BRD1: variants seen among roughly 807,000 people sequenced by gnomAD.
BRD1 encodes the protein bromodomain-containing protein 1.
Under a neutral mutation model 107.7 loss-of-function variants are expected in BRD1, and 24 were observed. That is an observed-to-expected ratio of 0.22 (90% CI 0.16 to 0.31). The LOEUF is 0.31. Among genes scored for constraint, BRD1 ranks in the 10% least tolerant of loss-of-function variants. The probability of loss-of-function intolerance (pLI) is 1.00; values close to 1 mark genes in which losing one functional copy is unlikely to be tolerated. For missense variants in BRD1, 1,279 were observed against 1,638.6 expected, an observed-to-expected ratio of 0.78 and a Z score of 3.79; for synonymous variants, 744 against 686.1, an observed-to-expected ratio of 1.08 and a Z score of -1.32.
At chr22:49,809,438 G>A (rs1370888351) in intron 2 of BRD1, among the ~76,000 whole-genome samples, 1 of 151,866 alleles carries the variant, frequency 6.6e-6, no homozygotes, top group Non-Finnish European at 1.5e-5. Flanking sequence ...TACTTGGAAG[G>A]CTTGAGGCAG....
At chr22:49,820,237 G>C (rs2060039619) in intron 2 of BRD1, among the ~76,000 whole-genome samples, 1 of 152,240 alleles carries the variant, frequency 6.6e-6, no homozygotes, top group African/African-American at 2.4e-5. Flanking sequence ...ATTCTGTTCT[G>C]TCCACAGGGA....
chr22:49,789,038 C>A (rs1393060214), intron 7 of BRD1, among the ~76,000 whole-genome samples: 2 of 152,224 alleles, frequency 1.3e-5, no homozygotes, highest in East Asian at 1.9e-4. Context: ...GGCCATGACG[C>A]CGGGCAGCAG....
chr22:49,803,616 AAG>A lies in BRD1; in HGVS notation c.1524+586_1524+587del, dbSNP rs958691221. 2.6e-5 allele frequency among the ~76,000 whole-genome samples: 4 copies of A among 152,296 alleles called. No individual in the cohort carries two copies. Among genetic ancestry groups the A allele is most frequent in the Non-Finnish European group, 5.9e-5 (4 of 68,028 alleles). On this transcript the variant is annotated intron_variant, in intron 3 of 12. Transcript: ENST00000404760. The surrounding 1 kb of genome is among the most constrained non-coding windows in gnomAD (Gnocchi z 4.4). ...AAACTCAAACCTACTATCAAAATGT[AAG>A]AGTTTGGGTTTGTTCTTTTAAAAAG...
In BRD1 at chr22:49,790,946, A is replaced by T. The variant is rs2059422999; in HGVS notation, c.2360-3059T>A. Among the ~76,000 whole-genome samples the T allele has an allele frequency of 2.0e-5, 3 of 152,248 alleles. No homozygotes were observed. In the South Asian group the frequency reaches 6.2e-4, roughly 31 times the overall value. Reference sequence around the variant, plus strand: ...ACGCCCCGGAGCCTCTGGCAAGGGCATCACTGTGACTGGAAATCCCAAGGA... The same window carrying T: ...ACGCCCCGGAGCCTCTGGCAAGGGCTTCACTGTGACTGGAAATCCCAAGGA... On this transcript the variant is annotated intron_variant, in intron 7 of 12. Coordinates refer to ENST00000404760, the MANE Select transcript of BRD1 (RefSeq NM_001304808.3).
chr22:49,782,213 T>C (rs1026122100), intron 8 of BRD1, among the ~76,000 whole-genome samples: 1 of 150,550 alleles, frequency 6.6e-6, no homozygotes, highest in Admixed American at 6.6e-5. Context: ...CCAAGGCCCA[T>C]GTTGCTGGGA....
chr22:49,785,177 T>G (rs2059298798), intron 8 of BRD1, among the ~76,000 whole-genome samples: 1 of 152,240 alleles, frequency 6.6e-6, no homozygotes, highest in African/African-American at 2.4e-5. Flanking sequence ...CCTGAGAGGT[T>G]GCTGAGGACG....
At position 49,773,913 on chromosome 22, in the gene BRD1, T is replaced by G; in HGVS notation, c.*320A>C. On this transcript the variant is annotated 3_prime_UTR_variant, in exon 13 of 13. Coordinates refer to ENST00000404760, the MANE Select transcript of BRD1 (RefSeq NM_001304808.3). ...GTCTTATTAAATAAGTGGTACTCTGTGTAAAGAGCATGATTTACAAAATTA... is the reference window on the plus strand; with the variant it reads ...GTCTTATTAAATAAGTGGTACTCTGGGTAAAGAGCATGATTTACAAAATTA... The G allele has an allele frequency of 4.3e-6, 1 of 230,270 alleles. No homozygotes were observed. The allele number at this position is 230,270 out of a possible 1,614,324, so 14.3% of individuals were successfully genotyped here. A position where few individuals can be genotyped will look rare whatever the true frequency, so the allele number is the denominator to read the frequency against.
Position 49,774,399 on chromosome 22 carries a change from G to A in BRD1, c.3404C>T (p.Ser1135Phe), listed in dbSNP as rs758513196. ...NKRSWQWLPK[S>F]KMVPLGIDET... is the part of the protein sequence containing the mutation. ...GTCAATACCAAGGGGAACCATTTTGGACTTAGGAAGCCACTGCCTTTTTAA... is the reference window on the plus strand; with the variant it reads ...GTCAATACCAAGGGGAACCATTTTGAACTTAGGAAGCCACTGCCTTTTTAA... The change falls in exon 13 of 13, where the codon TCC becomes TTC. Residue 1135 changes from serine (S) to phenylalanine (F), a missense_variant. Ser to Phe is a radical substitution (Grantham distance 155, BLOSUM62 -2). Coordinates refer to ENST00000404760, the MANE Select transcript of BRD1 (RefSeq NM_001304808.3). The A allele has an allele frequency of 1.2e-6, 2 of 1,606,370 alleles. No individual in the cohort carries two copies. The highest frequency in any genetic ancestry group is 2.2e-5 in the South Asian group (2 of 89,994).
rs993339070 is a variant in BRD1, at chr22:49,803,900, C to T, written c.1524+304G>A. 6.6e-6 allele frequency among the ~76,000 whole-genome samples: 1 copy of T among 152,236 alleles called. No homozygotes were observed. The highest frequency in any genetic ancestry group is 2.1e-4 in the South Asian group (1 of 4,834). The stretch of plus-strand genomic sequence containing the variant: ...AGCATAACACATCCCTGAGCATCCC[C>T]AGTCCCCAGAGCTGGCCACTGCCCA... On this transcript the variant is annotated intron_variant, in intron 3 of 12. Transcript: ENST00000404760. The surrounding 1 kb of genome is among the most constrained non-coding windows in gnomAD (Gnocchi z 4.4).
intron 1 of BRD1, among the ~76,000 whole-genome samples, chr22:49,825,323 AG>A (rs1485196058): frequency 7.2e-5 from 11 of 152,238 alleles, no homozygotes; most frequent in African/African-American, 2.6e-4. Context: ...GACCCTCACC[AG>A]GAGGGTCGCC....
chr22:49,824,283 G>A lies in BRD1; in HGVS notation c.35C>T (p.Ala12Val). 6.2e-7 allele frequency: 1 copy of A among 1,613,916 alleles called. No homozygotes were observed. Among genetic ancestry groups the A allele is most frequent in the East Asian group, 2.2e-5 (1 of 44,882 alleles). Residue 12 changes from alanine (A) to valine (V), a missense_variant, in exon 2 of 13, where the codon GCA (alanine) becomes GTA (valine). Ala to Val is a moderately conservative substitution (Grantham distance 64). Transcript: ENST00000404760. The surrounding 1 kb of genome is among the most constrained non-coding windows in gnomAD (Gnocchi z 5.9). ...GCATGGGGAAGAAGGATGCCTCGCT[G>A]CAGAGCCTCGATGACATCGTCCTTT... ...RRKGRCHRGS[A>V]ARHPSSPCSV...
intron 8 of BRD1, among the ~76,000 whole-genome samples, chr22:49,779,674 C>G (rs1435802616): frequency 2.6e-5 from 4 of 152,132 alleles, no homozygotes; most frequent in African/African-American, 9.7e-5. Context: ...CCATACTCAT[C>G]ACAGAGTGGG....
At chr22:49,827,255 C>T (rs1325723402) in intron 1 of BRD1, among the ~76,000 whole-genome samples, 1 of 150,300 alleles carries the variant, frequency 6.7e-6, no homozygotes, top group Non-Finnish European at 1.5e-5. Flanking sequence ...CCCCGCCCGG[C>T]CTCCCCGTCT....
At chr22:49,782,636 C>T (rs554823949) in intron 8 of BRD1, among the ~76,000 whole-genome samples, 43 of 148,920 alleles carry the variant, frequency 2.9e-4, no homozygotes, top group African/African-American at 9.4e-4. Context: ...GACGCCTGCA[C>T]GAGACCTGCT....
intron 2 of BRD1, chr22:49,818,314 C>T: frequency 7.8e-7 from 1 of 1,276,342 alleles, no homozygotes; most frequent in Non-Finnish European, 1.0e-6. Flanking sequence ...AGGAACCAAA[C>T]CGACACAGGC....
At chr22:49,826,624 C>A (rs773593283) in intron 1 of BRD1, among the ~76,000 whole-genome samples, 1 of 152,256 alleles carries the variant, frequency 6.6e-6, no homozygotes, top group African/African-American at 2.4e-5. Context: ...CCGGGCCTCT[C>A]GGTCAAGGCC....
In BRD1 at chr22:49,776,129, G is replaced by C. The variant is rs544333332; in HGVS notation, c.3152C>G (p.Thr1051Ser). ...EVGQSSMWIS[T>S]DAAASVLEPL... ...CTCCAGCACCGAGGCGGCGGCATCA[G>C]TGGAGATCCACATGCTGCTCTGGCC... The change falls in exon 11 of 13, where the codon ACT becomes AGT. Residue 1051 changes from threonine (T) to serine (S), a missense_variant. Transcript: ENST00000404760. The C allele has an allele frequency of 2.3e-5, 37 of 1,606,166 alleles. No individual in the cohort carries two copies. Among genetic ancestry groups the C allele is most frequent in the Middle Eastern group, 1.7e-4 (1 of 6,060 alleles).
chr22:49,798,189 C>T, intron 5 of BRD1, 72 bp from the exon 6 acceptor site: 20 of 1,402,730 alleles, frequency 1.4e-5, no homozygotes, highest in Non-Finnish European at 1.9e-5. Flanking sequence ...ATTTATTATT[C>T]CATATAACCC....
chr22:49,778,394 C>T (rs1465093491), intron 8 of BRD1, among the ~76,000 whole-genome samples: 3 of 152,226 alleles, frequency 2.0e-5, no homozygotes, highest in African/African-American at 7.2e-5. Context: ...GGGCCATCGC[C>T]GTGTCTGAGT....
Sources: allele counts gnomAD v4.1 joint callset (sites outside exome capture counted in the v4.1 genomes callset), GRCh38; gene constraint gnomAD v4.1.1; non-coding constraint Gnocchi (gnomAD v3.1); transcripts MANE v1.5; gene names NCBI Gene and HGNC (gene_info 2026-07-23, HGNC 2026-07-21).